Variants in PRH1 observed in about 807,000 individuals in gnomAD.
PRH1 encodes the protein salivary acidic proline-rich phosphoprotein 1/2.
A neutral mutation model predicts 7.9 loss-of-function variants in PRH1; 7 were observed. The observed-to-expected ratio is 0.89, with a 90% CI of 0.50 to 1.67. The LOEUF is 1.67. Ranked by LOEUF, PRH1 falls within the 40% of genes most tolerant of loss-of-function variation. PRH1 has a pLI of 0.00. For missense variants in PRH1, 109 were observed against 223.6 expected (o/e 0.49, Z 3.27); for synonymous variants, 45 against 80.8 (o/e 0.56, Z 2.38).
intron 1 of PRH1, among the ~76,000 whole-genome samples, chr12:11,115,469 C>A (rs756799400): frequency 6.6e-6 from 1 of 152,184 alleles, no homozygotes; most frequent in Non-Finnish European, 1.5e-5. Context: ...CAACACTCCA[C>A]TTTCAGCATC....
chr12:11,020,044 T>C (rs919200885), intron 1 of PRH1, among the ~76,000 whole-genome samples: 4 of 152,276 alleles, frequency 2.6e-5, no homozygotes, highest in Non-Finnish European at 5.9e-5. Flanking sequence ...CAAAGCTATA[T>C]TACAGTGATA....
chr12:11,147,349 C>T (rs750199540), intron 1 of PRH1, among the ~76,000 whole-genome samples: 3 of 151,778 alleles, frequency 2.0e-5, no homozygotes, highest in South Asian at 2.1e-4. Flanking sequence ...CACCACACAC[C>T]GCTAATTTTT....
chr12:11,139,519 G>C (rs1158384712), intron 1 of PRH1, among the ~76,000 whole-genome samples: 1 of 152,038 alleles, frequency 6.6e-6, no homozygotes, highest in Non-Finnish European at 1.5e-5. Flanking sequence ...TTTCCATCTT[G>C]ATAATTCCTT....
At chr12:11,158,208 TAAC>T (rs1947310496) in intron 1 of PRH1, among the ~76,000 whole-genome samples, 1 of 152,160 alleles carries the variant, frequency 6.6e-6, no homozygotes, top group South Asian at 2.1e-4. Flanking sequence ...CATATTTTAG[TAAC>T]ATCATTTGCA....
chr12:11,083,462 A>G (rs1261481806), intron 1 of PRH1, among the ~76,000 whole-genome samples: 1 of 152,268 alleles, frequency 6.6e-6, no homozygotes. Flanking sequence ...ATGTTTTTTC[A>G]GCCTATTTTA....
At chr12:10,998,784 C>T (rs1049594531) in intron 1 of PRH1, among the ~76,000 whole-genome samples, 1 of 152,072 alleles carries the variant, frequency 6.6e-6, no homozygotes, top group East Asian at 1.9e-4. Flanking sequence ...TTTGCAGTGT[C>T]CTCCCACCAC....
chr12:11,167,570 G>A (rs961271001), intron 1 of PRH1, among the ~76,000 whole-genome samples: 3 of 151,464 alleles, frequency 2.0e-5, no homozygotes, highest in African/African-American at 4.9e-5. Context: ...TCAGCCTCCC[G>A]AGTAGGTGGG....
intron 1 of PRH1, among the ~76,000 whole-genome samples, chr12:11,127,077 C>G (rs1946156911): frequency 6.6e-6 from 1 of 152,212 alleles, no homozygotes; most frequent in African/African-American, 2.4e-5. Flanking sequence ...CTTTTAAATT[C>G]TCTGGCTAAT....
At chr12:10,983,854 T>A (rs1021078079) in intron 1 of PRH1, among the ~76,000 whole-genome samples, 1 of 151,082 alleles carries the variant, frequency 6.6e-6, no homozygotes, top group Non-Finnish European at 1.5e-5. Context: ...AATTTCCACA[T>A]GTCCTGGCCA....
intron 1 of PRH1, among the ~76,000 whole-genome samples, chr12:11,055,357 T>A (rs1591907587): frequency 6.6e-6 from 1 of 150,810 alleles, no homozygotes; most frequent in Admixed American, 6.6e-5. Flanking sequence ...ACATACCATG[T>A]CTGAATTTTT....
At chr12:11,008,323 A>C (rs1940919275) in intron 1 of PRH1, among the ~76,000 whole-genome samples, 1 of 152,102 alleles carries the variant, frequency 6.6e-6, no homozygotes, top group African/African-American at 2.4e-5. Flanking sequence ...TTTTTATATT[A>C]AAATTATAAT....
chr12:11,038,652 G>A (rs1257009355), intron 1 of PRH1, among the ~76,000 whole-genome samples: 1 of 152,190 alleles, frequency 6.6e-6, no homozygotes, highest in Non-Finnish European at 1.5e-5. Context: ...GTATTCCATT[G>A]TATAAGTATG....
At chr12:10,967,092 G>GAA (rs1565506701) in intron 2 of PRH1, among the ~76,000 whole-genome samples, 1 of 147,368 alleles carries the variant, frequency 6.8e-6, no homozygotes, top group Non-Finnish European at 1.5e-5. Context: ...TCCAGCCTGG[G>GAA]CGACAGAGCA....
At chr12:11,016,927 GA>G (rs1207658452) in intron 1 of PRH1, among the ~76,000 whole-genome samples, 1 of 152,202 alleles carries the variant, frequency 6.6e-6, no homozygotes, top group Non-Finnish European at 1.5e-5. Flanking sequence ...CAAAACACTT[GA>G]AAGTTGCAGG....
At chr12:11,016,238 C>A (rs1428921958) in intron 1 of PRH1, among the ~76,000 whole-genome samples, 1 of 151,426 alleles carries the variant, frequency 6.6e-6, no homozygotes, top group Non-Finnish European at 1.5e-5. Flanking sequence ...TCCCTCCTTA[C>A]CTTATAAAAG....
At chr12:11,170,912 T>A (rs934261800) in intron 1 of PRH1, among the ~76,000 whole-genome samples, 15 of 149,364 alleles carry the variant, frequency 1.0e-4, no homozygotes, top group Admixed American at 8.6e-4. Flanking sequence ...TGCCCTAATA[T>A]TAATATTATG....
chr12:10,971,499 A>G (rs957827687), intron 2 of PRH1, among the ~76,000 whole-genome samples: 6 of 152,066 alleles, frequency 3.9e-5, no homozygotes, highest in Non-Finnish European at 8.8e-5. Flanking sequence ...TAATTTATTT[A>G]TCTATTTTAT....
intron 1 of PRH1, chr12:11,091,276 A>T (rs1158150125): frequency 8.5e-7 from 1 of 1,176,766 alleles, no homozygotes; most frequent in Admixed American, 2.4e-5. Context: ...CTGCTAGAAG[A>T]TACACAATGC....
At chr12:10,994,499 T>C (rs1418398936) in intron 1 of PRH1, among the ~76,000 whole-genome samples, 2 of 152,184 alleles carry the variant, frequency 1.3e-5, no homozygotes, top group African/African-American at 4.8e-5. Flanking sequence ...CATTGTGAAG[T>C]GGTCGTCAGC....
Sources: gnomAD v4.1 joint callset for allele counts (sites outside exome capture counted in the v4.1 genomes callset) on GRCh38, gnomAD v4.1.1 for gene constraint, MANE v1.5 for transcripts, NCBI Gene and HGNC (gene_info 2026-07-23, HGNC 2026-07-21) for gene names.